The following WAPL variants were observed in gnomAD, a reference collection of about 807,000 sequenced individuals.
The protein encoded by WAPL is wings apart-like protein homolog.
WAPL carries 5 observed loss-of-function variants against 121.0 expected under a neutral mutation model. That is an observed-to-expected ratio of 0.04 (90% confidence interval 0.02 to 0.09). The LOEUF (loss-of-function observed/expected upper bound fraction) is 0.09, where lower values mean the gene tolerates loss of function less well. WAPL is among the 10% of genes least tolerant of loss of function. WAPL has a pLI of 1.00. For synonymous variants in WAPL, 480 were observed against 481.5 expected, an observed-to-expected ratio of 1.00 and a Z score of 0.04; for missense variants, 999 against 1,410.8, an observed-to-expected ratio of 0.71 and a Z score of 4.68.
At chr10:86,481,659 C>T (rs1407811716) in intron 4 of WAPL, among the ~76,000 whole-genome samples, 1 of 152,040 alleles carries the variant, frequency 6.6e-6, no homozygotes, top group Non-Finnish European at 1.5e-5. Flanking sequence ...AGGCGTGAAC[C>T]ACCGCGCCGG....
In WAPL at chr10:86,500,080, G is replaced by C. The variant is rs778378726; in HGVS notation, c.1163C>G (p.Thr388Ser). The C allele has an allele frequency of 8.1e-6, 13 of 1,614,024 alleles. No homozygotes were observed. The highest frequency in any genetic ancestry group is 6.7e-5 in the East Asian group (3 of 44,892). ...ACCAGCTTCTCCCAAATCTGCAGGAGTGGATGCAGTGAACTCATCCATGCT... is the reference window on the plus strand; with the variant it reads ...ACCAGCTTCTCCCAAATCTGCAGGACTGGATGCAGTGAACTCATCCATGCT... ...ERSMDEFTASTPADLGEAGRL... is the reference protein window; with the variant it reads ...ERSMDEFTASSPADLGEAGRL... Residue 388 changes from threonine to serine, a missense_variant, in exon 3 of 19, where the codon ACT becomes AGT. By Grantham distance (58) the Thr-to-Ser change is moderately conservative. Coordinates refer to ENST00000298767, the MANE Select transcript of WAPL (RefSeq NM_015045.5).
At chr10:86,483,190 G>C (rs1300859166) in intron 4 of WAPL, among the ~76,000 whole-genome samples, 2 of 152,176 alleles carry the variant, frequency 1.3e-5, no homozygotes, top group African/African-American at 4.8e-5. Context: ...GGAGGCCGAG[G>C]TGGGTGGATC....
chr10:86,443,529 T>G, intron 16 of WAPL, 166 bp from the exon 17 acceptor site: 2 of 477,964 alleles, frequency 4.2e-6, no homozygotes, highest in Non-Finnish European at 7.3e-6. Flanking sequence ...CAAAATGAAA[T>G]AGGGATCCAA....
Position 86,505,303 on chromosome 10 carries a change from T to TTTTTTTTTTTTTTG in WAPL, c.500-4561_500-4560insCAAAAAAAAAAAAA, listed in dbSNP as rs1842327147. On this transcript the variant is annotated intron_variant, in intron 2 of 18. Coordinates refer to ENST00000298767, the MANE Select transcript of WAPL (RefSeq NM_015045.5). Reference sequence around the variant, plus strand: ...GCTTCAGCCACAGTGCCCAACTCTTTTTTTTTTTTTTTTTTTTTTTTTGGA... The same window carrying TTTTTTTTTTTTTTG: ...GCTTCAGCCACAGTGCCCAACTCTTTTTTTTTTTTTTTTGTTTTTTTTTTTTTTTTTTTTTTGGA... Among the ~76,000 whole-genome samples, 2 of 128,716 alleles carry TTTTTTTTTTTTTTG rather than the reference T, an allele frequency of 1.6e-5. 1 individual carries two copies. The highest frequency in any genetic ancestry group is 3.3e-5 in the Non-Finnish European group (2 of 59,896). 84.4% of individuals were successfully genotyped at this position (128,716 alleles called of 152,430 possible).
Position 86,452,204 on chromosome 10 carries a change from T to A in WAPL, c.2950-73A>T, listed in dbSNP as rs1840998979. 4 of 1,440,308 alleles carry A rather than the reference T, an allele frequency of 2.8e-6. No individual in the cohort carries two copies. In the Admixed American group the frequency reaches 8.0e-5, roughly 29 times the overall value. 89.2% of individuals were successfully genotyped at this position (1,440,308 alleles called of 1,614,324 possible). A position where few individuals can be genotyped will look rare whatever the true frequency, so the allele number is the denominator to read the frequency against. On this transcript the variant is annotated intron_variant, in intron 14 of 18. Transcript: ENST00000298767. ...ACAAATGAACACAATATACACAATT[T>A]TTAATGGCAACTAAAAAGCTGAATA... is the stretch of plus-strand genomic sequence containing the variant.
In WAPL at chr10:86,472,680, C is replaced by G. The variant is rs997162610; in HGVS notation, c.1825G>C (p.Val609Leu). 3.1e-6 allele frequency: 5 copies of G among 1,613,830 alleles called. No individual in the cohort carries two copies. The highest frequency in any genetic ancestry group is 4.2e-6 in the Non-Finnish European group (5 of 1,179,910). ...PAPPSKVIKT[V>L]TIPTQPYQDI... is the part of the protein sequence containing the mutation. ...TGGTAGGGCTGAGTAGGTATTGTCA[C>G]AGTTTTTATCACTTTGGATGGTGGT... is the stretch of plus-strand genomic sequence containing the variant. The change falls in exon 6 of 19, where the codon GTG becomes CTG. Residue 609 changes from valine (V) to leucine (L), a missense_variant. Coordinates refer to ENST00000298767, the MANE Select transcript of WAPL (RefSeq NM_015045.5). This position sits in a 1 kb window ranked among gnomAD's most constrained non-coding sequence, Gnocchi z 4.2.
At chr10:86,442,027 T>G (rs1849482889) in intron 17 of WAPL, among the ~76,000 whole-genome samples, 1 of 150,218 alleles carries the variant, frequency 6.7e-6, no homozygotes, top group African/African-American at 2.5e-5. Context: ...CAACAGCTTT[T>G]TCTTTTCTTC....
chr10:86,496,223 G>A (rs1304082682), intron 4 of WAPL, among the ~76,000 whole-genome samples: 1 of 152,202 alleles, frequency 6.6e-6, no homozygotes, highest in African/African-American at 2.4e-5. Context: ...CATTAGTGAA[G>A]TGCAAATCAA....
At chr10:86,463,043 A>G (rs548545123) in intron 9 of WAPL, among the ~76,000 whole-genome samples, 28 of 152,396 alleles carry the variant, frequency 1.8e-4, no homozygotes, top group African/African-American at 6.7e-4. Context: ...ACTATAAGCT[A>G]GCATTTAAAA....
At position 86,513,744 on chromosome 10, in the gene WAPL, T is replaced by C. The variant is rs971428488; in HGVS notation, c.499+3827A>G. Among the ~76,000 whole-genome samples, 3 of 152,144 alleles carry C rather than the reference T, an allele frequency of 2.0e-5. No homozygotes were observed. In the East Asian group the frequency reaches 5.8e-4, roughly 29 times the overall value. On this transcript the variant is annotated intron_variant, in intron 2 of 18. Coordinates refer to ENST00000298767, the MANE Select transcript of WAPL (RefSeq NM_015045.5). ...AAACGTAATGCCAGGACAAATGACA[T>C]AATAATTCTGAGCCTGGATAAGCCC...
intron 2 of WAPL, among the ~76,000 whole-genome samples, chr10:86,512,850 GGTT>G (rs1842491699): frequency 7.6e-6 from 1 of 131,606 alleles, no homozygotes; most frequent in South Asian, 2.3e-4. Context: ...AAGTACATGA[GGTT>G]TTTTTTTACC....
chr10:86,463,026 T>G (rs1052018413), intron 9 of WAPL, among the ~76,000 whole-genome samples: 2 of 152,246 alleles, frequency 1.3e-5, no homozygotes, highest in Non-Finnish European at 2.9e-5. Flanking sequence ...TAGGCTATAG[T>G]CAGTATACTA....
At chr10:86,476,806 A>G (rs1490147370) in intron 4 of WAPL, among the ~76,000 whole-genome samples, 1 of 152,216 alleles carries the variant, frequency 6.6e-6, no homozygotes, top group African/African-American at 2.4e-5. Context: ...TATATAGCCT[A>G]CCTACCTAAT....
chr10:86,507,063 T>G (rs1322184199), intron 2 of WAPL, among the ~76,000 whole-genome samples: 1 of 133,760 alleles, frequency 7.5e-6, no homozygotes, highest in Non-Finnish European at 1.6e-5. Context: ...AGGAAAGATT[T>G]AAAAAAAAAA....
At chr10:86,488,678 C>A (rs753386059) in intron 4 of WAPL, 3 of 152,092 alleles carry the variant, frequency 2.0e-5, no homozygotes, top group African/African-American at 7.2e-5. Context: ...AATACAGTAA[C>A]AAATGACTGA....
chr10:86,461,132 G>C (rs772817234), intron 10 of WAPL, 44 bp downstream of exon 10: 5 of 1,422,912 alleles, frequency 3.5e-6, no homozygotes, highest in Admixed American at 3.6e-5. Flanking sequence ...TTTTCTTCAG[G>C]CTTTAAATAA....
At chr10:86,520,732 T>C (rs1164767658) in intron 1 of WAPL, among the ~76,000 whole-genome samples, 1 of 111,858 alleles carries the variant, frequency 8.9e-6, no homozygotes, top group African/African-American at 3.6e-5. Flanking sequence ...TAGCCCAAAA[T>C]CAGGTCGAAT....
Position 86,521,645 on chromosome 10 carries a change from C to T in WAPL, c.-303G>A, listed in dbSNP as rs1048904838. On this transcript the variant is annotated 5_prime_UTR_variant, in exon 1 of 19. Coordinates refer to ENST00000298767, the MANE Select transcript of WAPL (RefSeq NM_015045.5). ...AGCTGGTAACAGAGCCTGCTGTGTG[C>T]CCCCGCTGGGCCGCCGCCGCCTCCT... is the stretch of plus-strand genomic sequence containing the variant. The T allele has an allele frequency of 1.3e-5, 6 of 461,514 alleles. No homozygotes were observed. The highest frequency in any genetic ancestry group is 2.4e-5 in the Admixed American group (1 of 41,914). 28.6% of individuals were successfully genotyped at this position (461,514 alleles called of 1,614,324 possible). A position where few individuals can be genotyped will look rare whatever the true frequency, so the allele number is the denominator to read the frequency against.
chr10:86,442,498 G>GT (rs1849494389), intron 17 of WAPL, among the ~76,000 whole-genome samples: 1 of 152,050 alleles, frequency 6.6e-6, no homozygotes, highest in Admixed American at 6.5e-5. Context: ...TTGTTTTCCA[G>GT]AACTGCTTTT....
Sources: allele counts gnomAD v4.1 joint callset (sites outside exome capture counted in the v4.1 genomes callset), GRCh38; gene constraint gnomAD v4.1.1; non-coding constraint Gnocchi (gnomAD v3.1); transcripts MANE v1.5; gene names NCBI Gene and HGNC (gene_info 2026-07-23, HGNC 2026-07-21).